SDCCAG8: variants seen among roughly 807,000 people sequenced by gnomAD.
The protein encoded by SDCCAG8 is serologically defined colon cancer antigen 8.
In SDCCAG8, 74 loss-of-function variants were observed where a neutral mutation model predicts 101.8. The observed-to-expected ratio is 0.73, with a 90% CI of 0.60 to 0.88. SDCCAG8 has a LOEUF of 0.88. Ranked by LOEUF, SDCCAG8 falls within the 40% of genes least tolerant of loss-of-function variation. The pLI is 0.00. For missense variants in SDCCAG8, 787 were observed against 822.6 expected, an observed-to-expected ratio of 0.96 and a Z score of 0.53; for synonymous variants, 281 against 292.9, an observed-to-expected ratio of 0.96 and a Z score of 0.41.
chr1:243,288,239 G>A (rs929082707), intron 5 of SDCCAG8, among the ~76,000 whole-genome samples: 1 of 152,030 alleles, frequency 6.6e-6, no homozygotes, highest in African/African-American at 2.4e-5. Context: ...ATGATCACAC[G>A]AACGGATGGA....
At chr1:243,313,673 T>C (rs1051254091) in intron 8 of SDCCAG8, among the ~76,000 whole-genome samples, 1 of 152,180 alleles carries the variant, frequency 6.6e-6, no homozygotes, top group African/African-American at 2.4e-5. Flanking sequence ...ACATTTGCCA[T>C]GGAGGATGGT....
chr1:243,447,248 C>CAAAAAAA (rs397830130), intron 16 of SDCCAG8, among the ~76,000 whole-genome samples: 1 of 41,384 alleles, frequency 2.4e-5, no homozygotes, highest in Non-Finnish European at 3.8e-5. Context: ...GACTTCGTCT[C>CAAAAAAA]AAAAAAAAAA....
At chr1:243,475,301 C>T (rs1662185378) in intron 16 of SDCCAG8, among the ~76,000 whole-genome samples, 1 of 152,096 alleles carries the variant, frequency 6.6e-6, no homozygotes, top group Non-Finnish European at 1.5e-5. Flanking sequence ...GGGGGTCTTT[C>T]TATTGCCTGC....
At chr1:243,321,797 C>T (rs1451352563) in intron 9 of SDCCAG8, among the ~76,000 whole-genome samples, 1 of 152,110 alleles carries the variant, frequency 6.6e-6, no homozygotes, top group Non-Finnish European at 1.5e-5. Context: ...TACAGGTGTG[C>T]ACCATCACGC....
intron 13 of SDCCAG8, among the ~76,000 whole-genome samples, chr1:243,404,862 CTTT>C (rs529062563): frequency 4.4e-5 from 6 of 137,656 alleles, no homozygotes; most frequent in African/African-American, 5.3e-5. Flanking sequence ...TAGACTTCTT[CTTT>C]TTTTTTTTTT....
At chr1:243,321,203 T>C (rs1456659265) in intron 9 of SDCCAG8, among the ~76,000 whole-genome samples, 2 of 152,224 alleles carry the variant, frequency 1.3e-5, no homozygotes, top group African/African-American at 4.8e-5. Flanking sequence ...CCACTACTTA[T>C]ATAGCATTTA....
chr1:243,283,163 CTTTG>C (rs917507958), intron 4 of SDCCAG8, among the ~76,000 whole-genome samples: 7 of 151,858 alleles, frequency 4.6e-5, no homozygotes, highest in East Asian at 1.9e-4. Context: ...TTTGGGTTTT[CTTTG>C]TTTGTTTGTT....
chr1:243,486,619 G>A (rs1001407833), intron 16 of SDCCAG8, among the ~76,000 whole-genome samples: 1 of 152,246 alleles, frequency 6.6e-6, no homozygotes, highest in Non-Finnish European at 1.5e-5. Flanking sequence ...AGGGTGGCCG[G>A]CCGTGACCGG....
intron 16 of SDCCAG8, among the ~76,000 whole-genome samples, chr1:243,483,392 C>A (rs1482632036): frequency 1.3e-5 from 2 of 152,286 alleles, no homozygotes; most frequent in East Asian, 3.9e-4. Context: ...GCACGAGCGC[C>A]CTCCGCGACC....
intron 6 of SDCCAG8, among the ~76,000 whole-genome samples, chr1:243,295,257 A>G (rs1247647852): frequency 1.3e-5 from 2 of 152,044 alleles, no homozygotes; most frequent in East Asian, 3.9e-4. Flanking sequence ...TTTCTTTTTG[A>G]GACAGAGTCT....
At chr1:243,310,515 A>G (rs563542561) in intron 8 of SDCCAG8, among the ~76,000 whole-genome samples, 10 of 152,278 alleles carry the variant, frequency 6.6e-5, no homozygotes, top group African/African-American at 2.2e-4. Flanking sequence ...GGTAGTTTAA[A>G]GGCTCAGATA....
At chr1:243,443,143 G>C (rs1487200733) in intron 16 of SDCCAG8, among the ~76,000 whole-genome samples, 2 of 152,098 alleles carry the variant, frequency 1.3e-5, no homozygotes, top group Admixed American at 6.5e-5. Flanking sequence ...GTTTTATTTT[G>C]ATGTAGGAAC....
intron 1 of SDCCAG8, among the ~76,000 whole-genome samples, chr1:243,258,579 A>C (rs962420388): frequency 7.9e-5 from 12 of 151,964 alleles, no homozygotes; most frequent in African/African-American, 1.2e-4. Flanking sequence ...TAATTTTTGT[A>C]TTTTTAGTAG....
At chr1:243,280,087 G>C (rs1469669450) in intron 4 of SDCCAG8, among the ~76,000 whole-genome samples, 1 of 152,106 alleles carries the variant, frequency 6.6e-6, no homozygotes, top group African/African-American at 2.4e-5. Context: ...GATAAATATA[G>C]GTTTATTCAG....
intron 12 of SDCCAG8, among the ~76,000 whole-genome samples, chr1:243,374,378 A>G (rs2077472270): frequency 6.6e-6 from 1 of 152,148 alleles, no homozygotes; most frequent in African/African-American, 2.4e-5. Flanking sequence ...AAACAGCTCC[A>G]TTCCAAGATT....
chr1:243,288,965 C>T lies in SDCCAG8; in HGVS notation c.546+2568C>T, dbSNP rs140691997. Among the ~76,000 whole-genome samples, 335 of 150,762 alleles carry T rather than the reference C, an allele frequency of 2.2e-3. 2 individuals carry two copies. The highest frequency in any genetic ancestry group is 8.0e-3 in the African/African-American group (326 of 40,874). ...GAGCTTGCAGTGAGCTGAGACTGCG[C>T]CACTGCACTCTGGCCTGGGCGACAG... is the stretch of plus-strand genomic sequence containing the variant. On this transcript the variant is annotated intron_variant, in intron 5 of 17. Coordinates refer to ENST00000366541, the MANE Select transcript of SDCCAG8 (RefSeq NM_006642.5).
intron 8 of SDCCAG8, among the ~76,000 whole-genome samples, chr1:243,315,505 C>T (rs1558281438): frequency 6.6e-6 from 1 of 152,132 alleles, no homozygotes; most frequent in Non-Finnish European, 1.5e-5. Flanking sequence ...TTTATATTTG[C>T]AGCAACTTAT....
intron 10 of SDCCAG8, among the ~76,000 whole-genome samples, chr1:243,334,578 A>G (rs1302488614): frequency 6.6e-6 from 1 of 151,608 alleles, no homozygotes; most frequent in Non-Finnish European, 1.5e-5. Context: ...CTGATTCTTC[A>G]GAGTTGTTTG....
intron 13 of SDCCAG8, among the ~76,000 whole-genome samples, chr1:243,383,524 G>A (rs959518367): frequency 5.3e-5 from 8 of 152,026 alleles, no homozygotes; most frequent in African/African-American, 1.7e-4. Flanking sequence ...TTTTGTTTAA[G>A]GTATTTCCTT....
Sources: gnomAD v4.1 joint callset for allele counts (sites outside exome capture counted in the v4.1 genomes callset) on GRCh38, gnomAD v4.1.1 for gene constraint, MANE v1.5 for transcripts, NCBI Gene and HGNC (gene_info 2026-07-23, HGNC 2026-07-21) for gene names.